POFUT2: variants seen among roughly 807,000 people sequenced by gnomAD.
POFUT2 encodes GDP-fucose protein O-fucosyltransferase 2.
A neutral mutation model predicts 55.0 loss-of-function variants in POFUT2; 30 were observed. That is an observed-to-expected ratio of 0.55 (90% CI 0.41 to 0.74). POFUT2 has a LOEUF of 0.74. POFUT2 is among the 30% of genes least tolerant of loss of function. The pLI is 0.00. For synonymous variants in POFUT2, 267 were observed against 231.1 expected, an observed-to-expected ratio of 1.16 and a Z score of -1.41; for missense variants, 524 against 562.6, an observed-to-expected ratio of 0.93 and a Z score of 0.69.
At chr21:45,286,083 C>G (rs927177698) in intron 1 of POFUT2, among the ~76,000 whole-genome samples, 155 bp from the exon 2 acceptor site, 1 of 152,196 alleles carries the variant, frequency 6.6e-6, no homozygotes, top group Non-Finnish European at 1.5e-5. Flanking sequence ...TCTCTATGAC[C>G]AGTTACTTAC....
At position 45,282,102 on chromosome 21, in the gene POFUT2, C is replaced by T. The variant is rs1267395663; in HGVS notation, c.638+247G>A. Among the ~76,000 whole-genome samples the T allele has an allele frequency of 2.6e-5, 4 of 152,044 alleles. No homozygotes were observed. The highest frequency in any genetic ancestry group is 3.4e-3 in the Middle Eastern group (1 of 294). ...CTCAGCCCCTCCCTGTGCACCTGGCCGGGCCGAGCCCTCACCTCTGTGCCC... is the reference window on the plus strand; with the variant it reads ...CTCAGCCCCTCCCTGTGCACCTGGCTGGGCCGAGCCCTCACCTCTGTGCCC... On this transcript the variant is annotated intron_variant, in intron 4 of 8. Transcript: ENST00000349485. The surrounding 1 kb of genome is among the most constrained non-coding windows in gnomAD (Gnocchi z 4.6).
Position 45,278,098 on chromosome 21 carries a change from C to T in POFUT2, c.705+5G>A, listed in dbSNP as rs1217643875. The T allele has an allele frequency of 6.2e-7, 1 of 1,611,570 alleles. No individual in the cohort carries two copies. The highest frequency in any genetic ancestry group is 8.5e-7 in the Non-Finnish European group (1 of 1,177,736). Reference sequence around the variant, plus strand: ...TGAGAAAAACGCTCCCGAGGAAACACTCACATCCCAGTATTCTTTCCCTCC... The same window carrying T: ...TGAGAAAAACGCTCCCGAGGAAACATTCACATCCCAGTATTCTTTCCCTCC... On this transcript the variant is annotated splice_donor_5th_base_variant and intron_variant, in intron 5 of 8. Transcript: ENST00000349485.
rs185705414 is a variant in POFUT2, at chr21:45,277,972, A to G, written c.705+131T>C. The G allele has an allele frequency of 2.0e-4, 170 of 863,704 alleles. 1 individual carries two copies. The Middle Eastern group carries it at 3.5e-3, about 18-fold the overall frequency. The allele number at this position is 863,704 out of a possible 1,614,324, so 53.5% of individuals were successfully genotyped here. On this transcript the variant is annotated intron_variant, in intron 5 of 8. Coordinates refer to ENST00000349485, the MANE Select transcript of POFUT2 (RefSeq NM_133635.6). The surrounding 1 kb of genome is among the most constrained non-coding windows in gnomAD (Gnocchi z 6.9). Reference sequence around the variant, plus strand: ...GTGGCACAGTCACCGCAGTTGCCCAAATCCATGGCTTAAAATGATGGTTTT... The same window carrying G: ...GTGGCACAGTCACCGCAGTTGCCCAGATCCATGGCTTAAAATGATGGTTTT...
intron 4 of POFUT2, among the ~76,000 whole-genome samples, chr21:45,280,474 A>G (rs1234818768): frequency 2.0e-5 from 3 of 152,156 alleles, no homozygotes; most frequent in African/African-American, 7.2e-5. Flanking sequence ...CATGTCCCGC[A>G]TTCAGGGTGC....
At chr21:45,283,728 CG>C (rs1400244199) in intron 2 of POFUT2, among the ~76,000 whole-genome samples, 1 of 152,134 alleles carries the variant, frequency 6.6e-6, no homozygotes, top group Non-Finnish European at 1.5e-5. Flanking sequence ...CTGCAGCTGG[CG>C]GGGGGTGGTG....
Position 45,267,639 on chromosome 21 carries a change from T to G in POFUT2, c.1087A>C (p.Lys363Gln), listed in dbSNP as rs1275389435. Residue 363 changes from lysine to glutamine, a missense_variant, in exon 8 of 9, where the codon AAG becomes CAG. This residue lies in a region of POFUT2 where 250 missense variants were observed against 318.2 expected (regional missense o/e 0.79). Transcript: ENST00000349485. This position sits in a 1 kb window ranked among gnomAD's most constrained non-coding sequence, Gnocchi z 4.4. ...TCAATAATCGCAACGCCTCCGTCCT[T>G]GTAGAGCTCCAGCTCCTCCCACGTG... ...EPTWEELELY[K>Q]DGGVAIIDQW... 1 of 1,614,084 alleles carries G rather than the reference T, an allele frequency of 6.2e-7. No individual in the cohort carries two copies. The highest frequency in any genetic ancestry group is 8.5e-7 in the Non-Finnish European group (1 of 1,180,042).
chr21:45,267,456 CGAG>C lies in POFUT2; in HGVS notation c.1136+131_1136+133del. 5 of 1,613,930 alleles carry C rather than the reference CGAG, an allele frequency of 3.1e-6. No individual in the cohort carries two copies. Among genetic ancestry groups the C allele is most frequent in the Non-Finnish European group, 4.2e-6 (5 of 1,179,866 alleles). On this transcript the variant is annotated intron_variant, in intron 8 of 8. Transcript: ENST00000349485. This position sits in a 1 kb window ranked among gnomAD's most constrained non-coding sequence, Gnocchi z 4.4. ...AACCAGATGCTACAGGAGACTCAGA[CGAG>C]GAGGCAAACAGTATGGAAATGACCA...
Position 45,277,284 on chromosome 21 carries a change from A to T in POFUT2, c.706-142T>A. 8.8e-7 allele frequency: 1 copy of T among 1,137,374 alleles called. No individual in the cohort carries two copies. 70.5% of individuals were successfully genotyped at this position (1,137,374 alleles called of 1,614,324 possible). A position where few individuals can be genotyped will look rare whatever the true frequency, so the allele number is the denominator to read the frequency against. On this transcript the variant is annotated intron_variant, in intron 5 of 8. Transcript: ENST00000349485. The surrounding 1 kb of genome is among the most constrained non-coding windows in gnomAD (Gnocchi z 6.9). ...ACACGTCATCCACGGTCGCCTGAGA[A>T]GCAGCGCCATCCACGGTGGAGGCTC...
At position 45,285,948 on chromosome 21, in the gene POFUT2, A is replaced by G. The variant is rs2031359178; in HGVS notation, c.132-20T>C. 1 of 1,583,612 alleles carries G rather than the reference A, an allele frequency of 6.3e-7. No individual in the cohort carries two copies. Among genetic ancestry groups the G allele is most frequent in the African/African-American group, 1.3e-5 (1 of 74,102 alleles). On this transcript the variant is annotated intron_variant, in intron 1 of 8. Coordinates refer to ENST00000349485, the MANE Select transcript of POFUT2 (RefSeq NM_133635.6). The surrounding 1 kb of genome is among the most constrained non-coding windows in gnomAD (Gnocchi z 4.9). ...AGATACCTGAGCAGGGAGAAGGAGG[A>G]CCACAGGTCTCAAATGCTGAGGTTT...
At position 45,267,934 on chromosome 21, in the gene POFUT2, G is replaced by A. The variant is rs2093171785; in HGVS notation, c.1013-221C>T. ...GGTAGTTCCAGGTCTACCCAGAACA[G>A]AACCAGGGATCAAGAAGAAAGGAAA... On this transcript the variant is annotated intron_variant, in intron 7 of 8. Transcript: ENST00000349485. This position sits in a 1 kb window ranked among gnomAD's most constrained non-coding sequence, Gnocchi z 4.4. 6.6e-6 allele frequency among the ~76,000 whole-genome samples: 1 copy of A among 152,176 alleles called. No individual in the cohort carries two copies. The highest frequency in any genetic ancestry group is 2.4e-5 in the African/African-American group (1 of 41,442).
intron 4 of POFUT2, among the ~76,000 whole-genome samples, chr21:45,278,568 C>G (rs997019495): frequency 2.0e-5 from 3 of 152,190 alleles, no homozygotes; most frequent in African/African-American, 7.2e-5. Context: ...CATAAGCTGC[C>G]TGGAAACAAA....
chr21:45,267,268 C>A lies in POFUT2; in HGVS notation c.1136+322G>T. The A allele has an allele frequency of 7.6e-6, 11 of 1,440,398 alleles. No homozygotes were observed. The highest frequency in any genetic ancestry group is 9.1e-6 in the Non-Finnish European group (10 of 1,103,352). The allele number at this position is 1,440,398 out of a possible 1,614,324, so 89.2% of individuals were successfully genotyped here. A position where few individuals can be genotyped will look rare whatever the true frequency, so the allele number is the denominator to read the frequency against. Reference sequence around the variant, plus strand: ...TCCAGGGCACGGGCAACTCTCAGGGCAGGGGGCAGACAGGGGCAGAAACCG... The same window carrying A: ...TCCAGGGCACGGGCAACTCTCAGGGAAGGGGGCAGACAGGGGCAGAAACCG... On this transcript the variant is annotated intron_variant, in intron 8 of 8. Coordinates refer to ENST00000349485, the MANE Select transcript of POFUT2 (RefSeq NM_133635.6). The surrounding 1 kb of genome is among the most constrained non-coding windows in gnomAD (Gnocchi z 4.4).
In POFUT2 at chr21:45,283,423, C is replaced by G. The variant is rs773443558; in HGVS notation, c.487G>C (p.Asp163His). The G allele has an allele frequency of 1.2e-6, 2 of 1,613,142 alleles. No homozygotes were observed. Among genetic ancestry groups the G allele is most frequent in the Non-Finnish European group, 1.7e-6 (2 of 1,179,738 alleles). The change falls in exon 3 of 9, where the codon GAT (aspartate) becomes CAT (histidine). Residue 163 changes from aspartate to histidine, a missense_variant. Around this residue, in one of 2 missense-constraint regions of POFUT2, gnomAD observed 274 missense variants for 244.4 expected, o/e 1.12. Transcript: ENST00000349485. ...EEKVDERPCI[D>H]QLLYSQDKHE... The stretch of plus-strand genomic sequence containing the variant: ...TTGTCCTGGGAGTACAGGAGCTGAT[C>G]AATACACGGCCGCTCGTCCACCTTC...
chr21:45,273,310 C>G (rs566483847), intron 6 of POFUT2, among the ~76,000 whole-genome samples: 61 of 152,302 alleles, frequency 4.0e-4, no homozygotes, highest in African/African-American at 1.5e-3. Context: ...TGGAAATACA[C>G]AACCCTTCTA....
In POFUT2 at chr21:45,265,191, T is replaced by C. The variant is rs957221429; in HGVS notation, c.*291A>G. 6.6e-6 allele frequency: 2 copies of C among 302,710 alleles called. No individual in the cohort carries two copies. Among genetic ancestry groups the C allele is most frequent in the Non-Finnish European group, 6.1e-6 (1 of 163,830 alleles). The allele number at this position is 302,710 out of a possible 1,614,324, so 18.8% of individuals were successfully genotyped here. A position where few individuals can be genotyped will look rare whatever the true frequency, so the allele number is the denominator to read the frequency against. ...GGAGCCTGACAAACACTCCTGCTTC[T>C]GGGTCACCACGCGGGCACTGCTGGC... On this transcript the variant is annotated 3_prime_UTR_variant, in exon 9 of 9. Transcript: ENST00000349485. The surrounding 1 kb of genome is among the most constrained non-coding windows in gnomAD (Gnocchi z 4.6).
At position 45,270,083 on chromosome 21, in the gene POFUT2, C is replaced by T. The variant is rs533415236; in HGVS notation, c.832-64G>A. The T allele has an allele frequency of 2.6e-5, 36 of 1,374,326 alleles. No individual in the cohort carries two copies. The East Asian group carries it at 4.1e-4, about 16-fold the overall frequency. 85.1% of individuals were successfully genotyped at this position (1,374,326 alleles called of 1,614,324 possible). A position where few individuals can be genotyped will look rare whatever the true frequency, so the allele number is the denominator to read the frequency against. Reference sequence around the variant, plus strand: ...CGGGCTCGGGGCTCATCCTGGGCACCGGGTGGGACTCGAGACGCAGAGGGA... The same window carrying T: ...CGGGCTCGGGGCTCATCCTGGGCACTGGGTGGGACTCGAGACGCAGAGGGA... On this transcript the variant is annotated intron_variant, in intron 6 of 8. Coordinates refer to ENST00000349485, the MANE Select transcript of POFUT2 (RefSeq NM_133635.6). This position sits in a 1 kb window ranked among gnomAD's most constrained non-coding sequence, Gnocchi z 4.6.
Position 45,265,370 on chromosome 21 carries a change from G to C in POFUT2, c.*112C>G, listed in dbSNP as rs2093143768. 1.0e-6 allele frequency: 1 copy of C among 977,906 alleles called. No individual in the cohort carries two copies. The highest frequency in any genetic ancestry group is 1.6e-5 in the African/African-American group (1 of 61,116). The allele number at this position is 977,906 out of a possible 1,614,324, so 60.6% of individuals were successfully genotyped here. A position where few individuals can be genotyped will look rare whatever the true frequency, so the allele number is the denominator to read the frequency against. ...CTTCTGGGCCTGGGACCCTGCGAGG[G>C]ACGGTCCTGTCCGCCCAGCTCCCGG... On this transcript the variant is annotated 3_prime_UTR_variant, in exon 9 of 9. Coordinates refer to ENST00000349485, the MANE Select transcript of POFUT2 (RefSeq NM_133635.6). This position sits in a 1 kb window ranked among gnomAD's most constrained non-coding sequence, Gnocchi z 4.6.
rs1338039643 is a variant in POFUT2 at position 45,265,834 on chromosome 21, C to A, written c.1137-199G>T. On this transcript the variant is annotated intron_variant, in intron 8 of 8. Transcript: ENST00000349485. The surrounding 1 kb of genome is among the most constrained non-coding windows in gnomAD (Gnocchi z 4.6). ...GCTCAGGTGCCCTCGACATCGGCGC[C>A]CTGAGGGGCTCTGCCTGGTGCTGCA... 1 of 1,399,496 alleles carries A rather than the reference C, an allele frequency of 7.1e-7. No homozygotes were observed. Among genetic ancestry groups the A allele is most frequent in the African/African-American group, 1.5e-5 (1 of 68,726 alleles). 86.7% of individuals were successfully genotyped at this position (1,399,496 alleles called of 1,614,324 possible).
intron 1 of POFUT2, 65 bp downstream of exon 1, chr21:45,287,676 C>CCAACCCAACAA: frequency 4.1e-5 from 49 of 1,181,440 alleles, no homozygotes; most frequent in Non-Finnish European, 5.0e-5. Flanking sequence ...GCCCCGCCCC[C>CCAACCCAACAA]ATCCCATCCT....
Sources: allele counts gnomAD v4.1 joint callset (sites outside exome capture counted in the v4.1 genomes callset), GRCh38; gene constraint gnomAD v4.1.1; regional missense constraint gnomAD v4.1.1; non-coding constraint Gnocchi (gnomAD v3.1); transcripts MANE v1.5; gene names NCBI Gene and HGNC (gene_info 2026-07-23, HGNC 2026-07-21).